WASHC2C: variants seen among roughly 807,000 people sequenced by gnomAD.
WASHC2C encodes Vaccinia Penetration Factor.
Under a neutral mutation model 142.2 loss-of-function variants are expected in WASHC2C, and 73 were observed. The observed-to-expected ratio is 0.51, with a 90% CI of 0.43 to 0.62. The LOEUF (loss-of-function observed/expected upper bound fraction) is 0.62. Among genes scored for constraint, WASHC2C ranks in the 20% least tolerant of loss-of-function variants. The pLI is 0.00. For missense variants in WASHC2C, 969 were observed against 1,531.7 expected, an observed-to-expected ratio of 0.63 and a Z score of 6.13; for synonymous variants, 337 against 565.5, an observed-to-expected ratio of 0.60 and a Z score of 5.73.
intron 6 of WASHC2C, 80 bp downstream of exon 6, chr10:45,743,563 T>C: frequency 1.3e-6 from 2 of 1,536,738 alleles, no homozygotes; most frequent in Non-Finnish European, 1.8e-6. Flanking sequence ...ACATTAAAGT[T>C]TCAAGAATAG....
intron 18 of WASHC2C, among the ~76,000 whole-genome samples, chr10:45,763,953 C>A (rs1211679654): frequency 6.6e-6 from 1 of 152,168 alleles, no homozygotes; most frequent in Non-Finnish European, 1.5e-5. Context: ...CCGCCTGCCT[C>A]GGCCTCCCTA....
At chr10:45,765,367 A>C (rs2055668341) in intron 18 of WASHC2C, among the ~76,000 whole-genome samples, 1 of 150,990 alleles carries the variant, frequency 6.6e-6, no homozygotes, top group Non-Finnish European at 1.5e-5. Flanking sequence ...ATGAGCAGAG[A>C]GGCACTTGCC....
chr10:45,771,405 C>T, intron 20 of WASHC2C: 2 of 483,908 alleles, frequency 4.1e-6, no homozygotes, highest in Non-Finnish European at 5.3e-6. Flanking sequence ...TAACTTTAAA[C>T]AGACAAGAAA....
chr10:45,790,451 T>C lies in WASHC2C; in HGVS notation c.3804T>C (p.Asp1268=), dbSNP rs2058331742. 1 of 1,611,088 alleles carries C rather than the reference T, an allele frequency of 6.2e-7. No individual in the cohort carries two copies. The highest frequency in any genetic ancestry group is 8.5e-7 in the Non-Finnish European group (1 of 1,179,376). Reference sequence around the variant, plus strand: ...CTAATTTATTTGATGATAACATTGATATCTTTGCTGACTTAACTGTAAAAC... The same window carrying C: ...CTAATTTATTTGATGATAACATTGACATCTTTGCTGACTTAACTGTAAAAC... ...LESNLFDDNI[D]IFADLTVKPK... The change falls in exon 30 of 31, where the codon GAT becomes GAC. Residue 1268 remains aspartate (D), a synonymous_variant. Transcript: ENST00000623400.
chr10:45,754,650 G>A (rs1243660289), intron 14 of WASHC2C, 105 bp downstream of exon 14: 2 of 1,114,668 alleles, frequency 1.8e-6, no homozygotes, highest in Non-Finnish European at 2.5e-6. Context: ...AAGTACCTGG[G>A]AGCTTCAAAG....
chr10:45,736,405 CAAAAAAAAAAAAA>C (rs71520974), intron 3 of WASHC2C, among the ~76,000 whole-genome samples: 319 of 24,590 alleles, frequency 0.013, 5 homozygotes, highest in African/African-American at 0.042. Context: ...GACTCCATCT[CAAAAAAAAAAAAA>C]AAAAAAAAAA....
chr10:45,739,264 T>A (rs1210852307), intron 4 of WASHC2C, among the ~76,000 whole-genome samples: 2 of 148,392 alleles, frequency 1.3e-5, no homozygotes, highest in African/African-American at 5.0e-5. Flanking sequence ...GTACTTGAGA[T>A]AAAAGACTAA....
intron 23 of WASHC2C, among the ~76,000 whole-genome samples, chr10:45,784,283 T>TATATA (rs2057816402): frequency 1.2e-4 from 1 of 8,090 alleles, no homozygotes; most frequent in Non-Finnish European, 3.3e-4. Flanking sequence ...TATATATATA[T>TATATA]ATATATACAC....
chr10:45,750,904 C>T (rs1287929307), intron 10 of WASHC2C, 66 bp downstream of exon 10: 2 of 1,423,018 alleles, frequency 1.4e-6, no homozygotes, highest in Admixed American at 2.3e-5. Flanking sequence ...CTGGCTTCAC[C>T]AAAGGCGGAT....
In WASHC2C at chr10:45,769,278, C is replaced by T. The variant is rs1212970059; in HGVS notation, c.1870-171C>T. On this transcript the variant is annotated intron_variant, in intron 19 of 30. Transcript: ENST00000623400. ...GACTACAGGCTCCCGCCACCACGCC[C>T]GGCTAATTTTCTTGTATTTTTAGTA... Among the ~76,000 whole-genome samples, 8 of 151,162 alleles carry T rather than the reference C, an allele frequency of 5.3e-5. 1 individual carries two copies. The South Asian group carries it at 1.1e-3, about 20-fold the overall frequency.
rs182261296 is a variant in WASHC2C at position 45,754,928 on chromosome 10, A to G, written c.1241-8A>G. On this transcript the variant is annotated splice_region_variant and splice_polypyrimidine_tract_variant and intron_variant, in intron 14 of 30. Coordinates refer to ENST00000623400, the MANE Select transcript of WASHC2C (RefSeq NM_001330074.2). ...ACAGCTGTGGCTGTCTTGTCCCTTC[A>G]CTCACAGGAGACACGGATGTGTTTG... 5,839 of 1,611,748 alleles carry G rather than the reference A, an allele frequency of 3.6e-3. 16 individuals carry two copies. Among genetic ancestry groups the G allele is most frequent in the Non-Finnish European group, 3.9e-3 (4,605 of 1,179,806 alleles).
At chr10:45,784,281 T>TACAC (rs1207152561) in intron 23 of WASHC2C, among the ~76,000 whole-genome samples, 14 of 9,044 alleles carry the variant, frequency 1.5e-3, no homozygotes, top group East Asian at 0.029. Flanking sequence ...TATATATATA[T>TACAC]ATATATATAC....
intron 20 of WASHC2C, among the ~76,000 whole-genome samples, chr10:45,772,873 G>A (rs1448412976): frequency 1.3e-5 from 2 of 152,270 alleles, no homozygotes; most frequent in South Asian, 2.1e-4. Context: ...CTTGGCAACC[G>A]TCTTCATGAC....
intron 30 of WASHC2C, 74 bp downstream of exon 30, chr10:45,790,607 T>C: frequency 6.2e-7 from 1 of 1,611,478 alleles, no homozygotes; most frequent in South Asian, 1.1e-5. Flanking sequence ...CTGCTACCTT[T>C]TCTTGGCCCT....
intron 27 of WASHC2C, 92 bp from the exon 28 acceptor site, chr10:45,786,943 A>G (rs1312231243): frequency 6.3e-6 from 10 of 1,595,230 alleles, no homozygotes; most frequent in Non-Finnish European, 8.6e-6. Flanking sequence ...CGTATTATAC[A>G]TTATGTGTAC....
intron 6 of WASHC2C, among the ~76,000 whole-genome samples, chr10:45,744,497 C>G (rs2052558028): frequency 6.8e-6 from 1 of 147,242 alleles, no homozygotes; most frequent in South Asian, 2.2e-4. Flanking sequence ...GACCAGCCAC[C>G]ACATTTGGTT....
At chr10:45,767,097 T>C (rs2055923775) in intron 19 of WASHC2C, among the ~76,000 whole-genome samples, 1 of 150,648 alleles carries the variant, frequency 6.6e-6, no homozygotes, top group African/African-American at 2.5e-5. Context: ...AGAAACCTTG[T>C]CTCTATTAAA....
In WASHC2C at chr10:45,757,015, A is replaced by G; in HGVS notation, c.1424A>G (p.Lys475Arg). 1 of 1,596,156 alleles carries G rather than the reference A, an allele frequency of 6.3e-7. No individual in the cohort carries two copies. The highest frequency in any genetic ancestry group is 1.1e-5 in the South Asian group (1 of 89,460). The change falls in exon 16 of 31, where the codon AAA becomes AGA. Residue 475 changes from lysine to arginine, a missense_variant. Coordinates refer to ENST00000623400, the MANE Select transcript of WASHC2C (RefSeq NM_001330074.2). ...TATGCCTTGGTATTTTTTACAGGCA[A>G]AGTCCAATCCACTGCCGATATCTTT... ...APHSKPSKTRKVQSTADIFGD... is the reference protein window; with the variant it reads ...APHSKPSKTRRVQSTADIFGD...
In WASHC2C at chr10:45,789,450, A is replaced by C; in HGVS notation, c.3667A>C (p.Ser1223Arg). The change falls in exon 29 of 31, where the codon AGT becomes CGT. Residue 1223 changes from serine (S) to arginine (R), a missense_variant. Ser to Arg is a moderately radical substitution (Grantham distance 110, BLOSUM62 -1). Transcript: ENST00000623400. ...CAAGAAGAATGAGACAAAATCCAGTAGTCAGCAGGATGTCATATTAACAAC... is the reference window on the plus strand; with the variant it reads ...CAAGAAGAATGAGACAAAATCCAGTCGTCAGCAGGATGTCATATTAACAAC... ...KVKKNETKSS[S>R]QQDVILTTQD... The C allele has an allele frequency of 2.5e-6, 4 of 1,612,104 alleles. No individual in the cohort carries two copies. The highest frequency in any genetic ancestry group is 3.4e-6 in the Non-Finnish European group (4 of 1,179,876).
Sources: gnomAD v4.1 joint callset for allele counts (sites outside exome capture counted in the v4.1 genomes callset) on GRCh38, gnomAD v4.1.1 for gene constraint, MANE v1.5 for transcripts, NCBI Gene and HGNC (gene_info 2026-07-23, HGNC 2026-07-21) for gene names.